TNFSF10: variants seen among roughly 807,000 people sequenced by gnomAD.
TNFSF10 encodes TNF superfamily member 10, also known as tumor necrosis factor ligand superfamily member 10.
TNFSF10 carries 13 observed loss-of-function variants against 29.5 expected under a neutral mutation model. The observed-to-expected ratio is 0.44, with a 90% confidence interval of 0.29 to 0.70. The LOEUF is 0.70. Ranked by LOEUF, TNFSF10 falls within the 30% of genes least tolerant of loss-of-function variation. The pLI is 0.13. For synonymous variants in TNFSF10, 111 were observed against 112.8 expected, an observed-to-expected ratio of 0.98 and a Z score of 0.10; for missense variants, 345 against 330.9, an observed-to-expected ratio of 1.04 and a Z score of -0.33.
rs1713120201 is a variant in TNFSF10, at chr3:172,509,242, T to C, written c.393A>G (p.Gly131=). The C allele has an allele frequency of 6.2e-7, 1 of 1,613,790 alleles. No individual in the cohort carries two copies. Among genetic ancestry groups the C allele is most frequent in the Non-Finnish European group, 8.5e-7 (1 of 1,179,876 alleles). ...RVAAHITGTR[G]RSNTLSSPNS... ...TTGGAGAAGACAATGTGTTGCTTCT[T>C]CCTCTGGTCCCAGTTATGTGAGCTG... The change falls in exon 4 of 5, where the codon GGA becomes GGG. Residue 131 remains glycine (G), a synonymous_variant. Coordinates refer to ENST00000241261, the MANE Select transcript of TNFSF10 (RefSeq NM_003810.4).
intron 2 of TNFSF10, among the ~76,000 whole-genome samples, chr3:172,512,438 C>G (rs1282529148): frequency 6.6e-6 from 1 of 152,202 alleles, no homozygotes; most frequent in Non-Finnish European, 1.5e-5. Context: ...TCTCCCATCA[C>G]TGCCCTCTTT....
intron 1 of TNFSF10, chr3:172,522,567 C>T: frequency 2.0e-6 from 1 of 509,792 alleles, no homozygotes; most frequent in Non-Finnish European, 3.6e-6. Context: ...TTTATTTATT[C>T]ATGGCTACAG....
chr3:172,507,843 G>C (rs535879373), intron 4 of TNFSF10, among the ~76,000 whole-genome samples: 2 of 152,108 alleles, frequency 1.3e-5, no homozygotes, highest in Non-Finnish European at 2.9e-5. Flanking sequence ...ACAAATTTAC[G>C]GGATAAAGCC....
intron 1 of TNFSF10, chr3:172,522,579 G>A: frequency 2.1e-6 from 1 of 472,354 alleles, no homozygotes; most frequent in Non-Finnish European, 3.9e-6. Flanking sequence ...TGGCTACAGT[G>A]TAAGCTCCAG....
chr3:172,511,406 C>A, intron 3 of TNFSF10: 1 of 420,940 alleles, frequency 2.4e-6, no homozygotes. Flanking sequence ...AAATAAAGTT[C>A]TGACCATAGA....
chr3:172,519,203 A>G (rs566449686), intron 1 of TNFSF10, among the ~76,000 whole-genome samples: 139 of 152,350 alleles, frequency 9.1e-4, no homozygotes, highest in Non-Finnish European at 1.8e-3. Flanking sequence ...AGCACTCTCA[A>G]TGAATTCTTC....
At position 172,505,727 on chromosome 3, in the gene TNFSF10, T is replaced by G. The variant is rs1285341917; in HGVS notation, c.*765A>C. On this transcript the variant is annotated 3_prime_UTR_variant, in exon 5 of 5. Coordinates refer to ENST00000241261, the MANE Select transcript of TNFSF10 (RefSeq NM_003810.4). ...AAAAATAACACGTACTTACTGAAGT[T>G]TTTTTTTTTTTTTTTTTTGAAACCA... is the stretch of plus-strand genomic sequence containing the variant. 9.3e-5 allele frequency: 2 copies of G among 21,446 alleles called. No homozygotes were observed. Among genetic ancestry groups the G allele is most frequent in the African/African-American group, 2.6e-4 (2 of 7,714 alleles). 1.3% of individuals were successfully genotyped at this position (21,446 alleles called of 1,614,324 possible).
At chr3:172,510,492 A>G (rs1009225427) in intron 3 of TNFSF10, among the ~76,000 whole-genome samples, 1 of 152,152 alleles carries the variant, frequency 6.6e-6, no homozygotes, top group African/African-American at 2.4e-5. Context: ...TTTGAAAGCA[A>G]ATTTTTAAAA....
In TNFSF10 at chr3:172,522,419, T is replaced by C. The variant is rs186750954; in HGVS notation, c.132+834A>G. ...CTGCTGTGGAACAGATTTACCCATT[T>C]GTGTTTGAAAGCAGGAAAGAAATTT... On this transcript the variant is annotated intron_variant, in intron 1 of 4. Transcript: ENST00000241261. 8.1e-4 allele frequency: 1,241 copies of C among 1,528,716 alleles called. 9 individuals carry two copies. Among genetic ancestry groups the C allele is most frequent in the South Asian group, 1.1e-3 (100 of 89,724 alleles). 94.7% of individuals were successfully genotyped at this position (1,528,716 alleles called of 1,614,324 possible). A position where few individuals can be genotyped will look rare whatever the true frequency, so the allele number is the denominator to read the frequency against.
At chr3:172,509,026 T>C in intron 4 of TNFSF10, 191 bp downstream of exon 4, 1 of 397,026 alleles carries the variant, frequency 2.5e-6, no homozygotes, top group Non-Finnish European at 4.4e-6. Context: ...AGGCCAGTTA[T>C]GTCGTGGCAA....
At chr3:172,519,621 T>C (rs771881832) in intron 1 of TNFSF10, among the ~76,000 whole-genome samples, 1 of 152,234 alleles carries the variant, frequency 6.6e-6, no homozygotes, top group Non-Finnish European at 1.5e-5. Flanking sequence ...TCTAAATGTG[T>C]CCTACAATAA....
intron 1 of TNFSF10, 128 bp from the exon 2 acceptor site, chr3:172,515,126 T>C: frequency 2.4e-6 from 3 of 1,273,854 alleles, no homozygotes; most frequent in Non-Finnish European, 2.2e-6. Context: ...TAAGTTCCTG[T>C]TTGAAATAAA....
intron 1 of TNFSF10, chr3:172,522,217 T>A (rs1713729695): frequency 2.2e-6 from 1 of 459,972 alleles, no homozygotes; most frequent in African/African-American, 2.0e-5. Context: ...ATAAAAAAAT[T>A]TAAAAATAAA....
At chr3:172,515,938 G>C (rs947994714) in intron 1 of TNFSF10, among the ~76,000 whole-genome samples, 1 of 152,118 alleles carries the variant, frequency 6.6e-6, no homozygotes, top group African/African-American at 2.4e-5. Context: ...TTTAACAAGT[G>C]GGATGGAAGA....
intron 1 of TNFSF10, among the ~76,000 whole-genome samples, chr3:172,516,868 G>A (rs1047348757): frequency 6.6e-6 from 1 of 152,226 alleles, no homozygotes; most frequent in Non-Finnish European, 1.5e-5. Flanking sequence ...AAAGGATCAA[G>A]AAGGAAGAGA....
At position 172,505,587 on chromosome 3, in the gene TNFSF10, T is replaced by C. The variant is rs1257232812; in HGVS notation, c.*905A>G. 6 of 152,118 alleles carry C rather than the reference T, an allele frequency of 3.9e-5. No homozygotes were observed. Among genetic ancestry groups the C allele is most frequent in the African/African-American group, 1.2e-4 (5 of 41,408 alleles). The allele number at this position is 152,118 out of a possible 1,614,324, so 9.4% of individuals were successfully genotyped here. A position where few individuals can be genotyped will look rare whatever the true frequency, so the allele number is the denominator to read the frequency against. On this transcript the variant is annotated 3_prime_UTR_variant, in exon 5 of 5. Coordinates refer to ENST00000241261, the MANE Select transcript of TNFSF10 (RefSeq NM_003810.4). ...ATTATGAAAAAAAGATTAGAAGTCT[T>C]TTCCCCCATTTTTAGTAATCTTGAT...
Position 172,506,232 on chromosome 3 carries a change from G to A in TNFSF10, c.*260C>T. 2.5e-6 allele frequency: 1 copy of A among 403,796 alleles called. No homozygotes were observed. Among genetic ancestry groups the A allele is most frequent in the South Asian group, 4.8e-5 (1 of 20,972 alleles). The allele number at this position is 403,796 out of a possible 1,614,324, so 25.0% of individuals were successfully genotyped here. On this transcript the variant is annotated 3_prime_UTR_variant, in exon 5 of 5. Transcript: ENST00000241261. ...GAAGCTGACAGTCTTCTAGATTTCT[G>A]CTAGCAAACTGATATGAGGTAGAGT...
intron 2 of TNFSF10, among the ~76,000 whole-genome samples, chr3:172,513,989 C>A (rs567481813): frequency 2.6e-5 from 4 of 152,300 alleles, no homozygotes; most frequent in African/African-American, 9.6e-5. Flanking sequence ...CAGGCACACA[C>A]CACCACACTT....
chr3:172,507,209 A>G, intron 4 of TNFSF10: 1 of 360,596 alleles, frequency 2.8e-6, no homozygotes, highest in Non-Finnish European at 5.0e-6. Context: ...TGGTAGCACA[A>G]GGGATGGCCC....
Sources: allele counts gnomAD v4.1 joint callset (sites outside exome capture counted in the v4.1 genomes callset), GRCh38; gene constraint gnomAD v4.1.1; transcripts MANE v1.5; gene names NCBI Gene and HGNC (gene_info 2026-07-23, HGNC 2026-07-21).